The following PLXNA2 variants were observed in gnomAD, a reference collection of about 807,000 sequenced individuals.
PLXNA2 encodes the protein plexin-A2.
PLXNA2 carries 91 observed loss-of-function variants against 193.5 expected under a neutral mutation model. That is an observed-to-expected ratio of 0.47 (90% CI 0.40 to 0.56). The LOEUF is 0.56. PLXNA2 is among the 20% of genes least tolerant of loss of function. The probability of loss-of-function intolerance (pLI) is 0.00; values close to 1 mark genes in which losing one functional copy is unlikely to be tolerated. For synonymous variants in PLXNA2, 997 were observed against 1,027.3 expected (o/e 0.97, Z 0.56); for missense variants, 1,995 against 2,503.2 (o/e 0.80, Z 4.33).
intron 3 of PLXNA2, among the ~76,000 whole-genome samples, chr1:208,208,811 C>T (rs10863704): frequency 0.23 from 35,179 of 152,058 alleles, 4,614 homozygotes; most frequent in Non-Finnish European, 0.29. Context: ...ACAGGGAGAG[C>T]TCAGGCTGGA....
intron 9 of PLXNA2, among the ~76,000 whole-genome samples, chr1:208,089,603 T>A (rs1345505483): frequency 4.6e-5 from 7 of 152,218 alleles, no homozygotes; most frequent in Non-Finnish European, 1.0e-4. Flanking sequence ...GTGATGCTGA[T>A]GCTGCCGGTC....
At chr1:208,161,574 G>A (rs943018177) in intron 3 of PLXNA2, among the ~76,000 whole-genome samples, 2 of 152,136 alleles carry the variant, frequency 1.3e-5, no homozygotes, top group African/African-American at 2.4e-5. Flanking sequence ...CTGAGGGCAC[G>A]GACGAGTGGC....
intron 11 of PLXNA2, 102 bp from the exon 12 acceptor site, chr1:208,079,552 C>T (rs997357336): frequency 3.8e-6 from 3 of 796,112 alleles, no homozygotes; most frequent in Non-Finnish European, 6.0e-6. Flanking sequence ...TCTTCCCCAC[C>T]ATGGATAACA....
At chr1:208,195,231 C>T (rs114032014) in intron 3 of PLXNA2, among the ~76,000 whole-genome samples, 1,608 of 152,266 alleles carry the variant, frequency 0.011, 34 homozygotes, top group African/African-American at 0.037. Context: ...CCAAAGCTCA[C>T]CTTCTCCTTC....
chr1:208,082,372 C>A lies in PLXNA2; in HGVS notation c.2395+40G>T. The A allele has an allele frequency of 1.3e-6, 2 of 1,520,748 alleles. No individual in the cohort carries two copies. The highest frequency in any genetic ancestry group is 1.1e-5 in the South Asian group (1 of 87,548). The allele number at this position is 1,520,748 out of a possible 1,614,324, so 94.2% of individuals were successfully genotyped here. ...CTCTAGCCCCAGTCTTTCCCGGGGTCGTGAAAAGATCAAACTTCTACCCGG... is the reference window on the plus strand; with the variant it reads ...CTCTAGCCCCAGTCTTTCCCGGGGTAGTGAAAAGATCAAACTTCTACCCGG... On this transcript the variant is annotated intron_variant, in intron 11 of 31. Coordinates refer to ENST00000367033, the MANE Select transcript of PLXNA2 (RefSeq NM_025179.4). The surrounding 1 kb of genome is among the most constrained non-coding windows in gnomAD (Gnocchi z 4.2).
At chr1:208,077,035 G>C (rs1666172032) in intron 12 of PLXNA2, among the ~76,000 whole-genome samples, 1 of 152,000 alleles carries the variant, frequency 6.6e-6, no homozygotes, top group East Asian at 1.9e-4. Flanking sequence ...GGTAGGGGTA[G>C]GAGAAAATGA....
intron 1 of PLXNA2, among the ~76,000 whole-genome samples, chr1:208,219,620 A>G (rs1009054357): frequency 2.6e-5 from 4 of 152,172 alleles, no homozygotes; most frequent in Admixed American, 1.3e-4. Context: ...TAGAACAGAC[A>G]CCACTTAGAG....
At chr1:208,160,221 C>T (rs984435310) in intron 3 of PLXNA2, among the ~76,000 whole-genome samples, 18 of 151,256 alleles carry the variant, frequency 1.2e-4, no homozygotes, top group Non-Finnish European at 1.5e-4. Context: ...CAACCCCCCC[C>T]GCCCAGAAGT....
chr1:208,163,854 G>T (rs906989104), intron 3 of PLXNA2, among the ~76,000 whole-genome samples: 4 of 152,184 alleles, frequency 2.6e-5, no homozygotes, highest in Non-Finnish European at 5.9e-5. Context: ...CTGGCAAGTC[G>T]ATGCTCCATA....
At chr1:208,233,330 A>G (rs1270247053) in intron 1 of PLXNA2, among the ~76,000 whole-genome samples, 2 of 152,176 alleles carry the variant, frequency 1.3e-5, no homozygotes, top group African/African-American at 4.8e-5. Flanking sequence ...CAAGGAACGT[A>G]TCTTTTTTTC....
At chr1:208,223,387 T>C (rs1181085450) in intron 1 of PLXNA2, among the ~76,000 whole-genome samples, 1 of 152,190 alleles carries the variant, frequency 6.6e-6, no homozygotes, top group African/African-American at 2.4e-5. Flanking sequence ...GGAAGGGTCC[T>C]GGGAGTTAGT....
intron 3 of PLXNA2, among the ~76,000 whole-genome samples, chr1:208,201,704 C>T (rs1670558091): frequency 6.6e-6 from 1 of 152,044 alleles, no homozygotes; most frequent in African/African-American, 2.4e-5. Context: ...TTTATTTAAT[C>T]CTTACAACAA....
In PLXNA2 at chr1:208,044,707, C is replaced by G; in HGVS notation, c.3675G>C (p.Ser1225=). Residue 1225 remains serine (S), a synonymous_variant, in exon 20 of 32, where the codon TCG becomes TCC. Transcript: ENST00000367033. The surrounding 1 kb of genome is among the most constrained non-coding windows in gnomAD (Gnocchi z 4.9). ...GCAAGCTGTCTGAGATGACACTCAC[C>G]GAGCCAGGCGAGAACACCATCCCGC... The part of the protein sequence containing the change: ...HVGGMVFSPG[S]VSVISDSLLT... 1 of 1,613,970 alleles carries G rather than the reference C, an allele frequency of 6.2e-7. No homozygotes were observed. The highest frequency in any genetic ancestry group is 1.7e-5 in the Admixed American group (1 of 60,008).
intron 3 of PLXNA2, among the ~76,000 whole-genome samples, chr1:208,180,803 C>T (rs1010424029): frequency 1.3e-5 from 2 of 152,224 alleles, no homozygotes; most frequent in Admixed American, 6.5e-5. Context: ...CTAAAGCAAT[C>T]GAGGGGAACT....
At chr1:208,032,805 T>A (rs992479769) in intron 28 of PLXNA2, among the ~76,000 whole-genome samples, 3 of 152,122 alleles carry the variant, frequency 2.0e-5, no homozygotes, top group Non-Finnish European at 4.4e-5. Flanking sequence ...AGAAAGGGGA[T>A]AGAAAGGCCA....
rs1181045680 is a variant in PLXNA2 at position 208,044,746 on chromosome 1, T to C, written c.3640-4A>G. 1 of 1,609,624 alleles carries C rather than the reference T, an allele frequency of 6.2e-7. No homozygotes were observed. Among genetic ancestry groups the C allele is most frequent in the South Asian group, 1.1e-5 (1 of 90,604 alleles). On this transcript the variant is annotated splice_region_variant and splice_polypyrimidine_tract_variant and intron_variant, in intron 19 of 31. Transcript: ENST00000367033. The surrounding 1 kb of genome is among the most constrained non-coding windows in gnomAD (Gnocchi z 4.9). ...ACACCATCCCGCCCACGTGAACCTG[T>C]GCATTGTACACATACAGACGCACAT...
At chr1:208,046,260 C>T in intron 17 of PLXNA2, 143 bp from the exon 18 acceptor site, 1 of 1,100,074 alleles carries the variant, frequency 9.1e-7, no homozygotes, top group Non-Finnish European at 1.3e-6. Flanking sequence ...GGAAAGCCCT[C>T]CAGGAAAGGG....
rs372358368 is a variant in PLXNA2, at chr1:208,239,187, T to C, written c.-81+4456A>G. Among the ~76,000 whole-genome samples, 201 of 151,720 alleles carry C rather than the reference T, an allele frequency of 1.3e-3. 4 individuals are homozygous for C. Among genetic ancestry groups the C allele is most frequent in the African/African-American group, 4.6e-3 (189 of 41,424 alleles). ...AAAAAAAGCACAAAAGCCACTGTTTTGGGCCAAGCCTGGCTTTCAAGAGTC... is the reference window on the plus strand; with the variant it reads ...AAAAAAAGCACAAAAGCCACTGTTTCGGGCCAAGCCTGGCTTTCAAGAGTC... On this transcript the variant is annotated intron_variant, in intron 1 of 31. Coordinates refer to ENST00000367033, the MANE Select transcript of PLXNA2 (RefSeq NM_025179.4).
At chr1:208,204,570 C>A (rs1309041594) in intron 3 of PLXNA2, among the ~76,000 whole-genome samples, 1 of 152,222 alleles carries the variant, frequency 6.6e-6, no homozygotes, top group Non-Finnish European at 1.5e-5. Context: ...ACCTTCCTTC[C>A]TTCGCAACCA....
Sources: allele counts gnomAD v4.1 joint callset (sites outside exome capture counted in the v4.1 genomes callset), GRCh38; gene constraint gnomAD v4.1.1; non-coding constraint Gnocchi (gnomAD v3.1); transcripts MANE v1.5; gene names NCBI Gene and HGNC (gene_info 2026-07-23, HGNC 2026-07-21).